Variants in ZNG1B observed in about 807,000 individuals in gnomAD.
ZNG1B encodes zinc-regulated GTPase metalloprotein activator 1B.
chr2:113,471,041 T>C, the ZNG1B span: 62 of 1,574,152 alleles, frequency 3.9e-5, no homozygotes, highest in South Asian at 2.8e-4. Flanking sequence ...AGAGTTGATC[T>C]CTCTAATGTA....
At chr2:113,475,431 G>C in the ZNG1B span, among the ~76,000 whole-genome samples, 1 of 150,366 alleles carries the variant, frequency 6.7e-6, no homozygotes, top group African/African-American at 2.4e-5. Context: ...GATGGGTCTT[G>C]ACTCTTTATC....
chr2:113,437,934 G>A, the ZNG1B span: 7 of 1,612,050 alleles, frequency 4.3e-6, no homozygotes, highest in Non-Finnish European at 5.9e-6. Context: ...GTCCTGAATT[G>A]GTTCCCATGG....
chr2:113,438,097 C>T, the ZNG1B span: 1 of 1,602,398 alleles, frequency 6.2e-7, no homozygotes, highest in Non-Finnish European at 8.5e-7. Context: ...GGTGCCTCTT[C>T]TCCTGAGGCA....
At chr2:113,454,497 T>G in the ZNG1B span, among the ~76,000 whole-genome samples, 2 of 150,550 alleles carry the variant, frequency 1.3e-5, no homozygotes, top group South Asian at 2.1e-4. Context: ...TTTAAAATTT[T>G]TATTTGTTTT....
At chr2:113,489,081 A>C in the ZNG1B span, among the ~76,000 whole-genome samples, 1 of 151,936 alleles carries the variant, frequency 6.6e-6, no homozygotes, top group South Asian at 2.1e-4. Context: ...ATCTAAAGTT[A>C]AGATGAAAGA....
the ZNG1B span, among the ~76,000 whole-genome samples, chr2:113,454,391 T>C: frequency 6.6e-6 from 1 of 152,024 alleles, no homozygotes; most frequent in Non-Finnish European, 1.5e-5. Flanking sequence ...CTGTCTTATG[T>C]ACTTATCACA....
the ZNG1B span, among the ~76,000 whole-genome samples, chr2:113,481,055 T>C: frequency 2.0e-5 from 3 of 151,672 alleles, no homozygotes; most frequent in African/African-American, 4.9e-5. Flanking sequence ...CTGAGACTTA[T>C]GGGAACTAAA....
the ZNG1B span, chr2:113,460,756 A>G: frequency 6.3e-7 from 1 of 1,581,510 alleles, no homozygotes. Context: ...TTGCTGGCTA[A>G]TTGTAAAGAG....
the ZNG1B span, among the ~76,000 whole-genome samples, chr2:113,478,628 A>G: frequency 1.6e-4 from 24 of 146,370 alleles, no homozygotes; most frequent in African/African-American, 5.3e-4. Context: ...TTAAAAACTA[A>G]TTCTACTTTC....
the ZNG1B span, among the ~76,000 whole-genome samples, chr2:113,487,835 A>G: frequency 6.6e-6 from 1 of 151,022 alleles, no homozygotes; most frequent in Non-Finnish European, 1.5e-5. Flanking sequence ...GTACTTTTAA[A>G]AGTCTCACAT....
the ZNG1B span, chr2:113,444,257 G>C: frequency 3.3e-6 from 1 of 299,272 alleles, no homozygotes; most frequent in Non-Finnish European, 6.4e-6. Context: ...TACTAGTTAA[G>C]TTTTCAAGGA....
chr2:113,443,008 G>T, the ZNG1B span, among the ~76,000 whole-genome samples: 1 of 147,376 alleles, frequency 6.8e-6, no homozygotes, highest in African/African-American at 2.5e-5. Flanking sequence ...TCGCTGTGTT[G>T]CCCAGGCTGG....
At chr2:113,475,390 C>T in the ZNG1B span, among the ~76,000 whole-genome samples, 11 of 151,880 alleles carry the variant, frequency 7.2e-5, no homozygotes, top group Middle Eastern at 3.4e-3. Flanking sequence ...TGTCTCTGCA[C>T]GTGAGATGGG....
chr2:113,471,985 TA>T, the ZNG1B span, among the ~76,000 whole-genome samples: 1 of 152,028 alleles, frequency 6.6e-6, no homozygotes, highest in African/African-American at 2.4e-5. Flanking sequence ...TATAGTCCTT[TA>T]GGGTATATAC....
the ZNG1B span, among the ~76,000 whole-genome samples, chr2:113,478,228 C>T: frequency 6.6e-6 from 1 of 152,046 alleles, no homozygotes; most frequent in Non-Finnish European, 1.5e-5. Context: ...TAGTGGGTGG[C>T]TCTACATTTG....
At chr2:113,463,843 G>GT in the ZNG1B span, among the ~76,000 whole-genome samples, 1 of 151,340 alleles carries the variant, frequency 6.6e-6, no homozygotes, top group Non-Finnish European at 1.5e-5. Flanking sequence ...TACATAGTAA[G>GT]TTCAAGGTAT....
At chr2:113,445,998 A>AT in the ZNG1B span, among the ~76,000 whole-genome samples, 1 of 151,972 alleles carries the variant, frequency 6.6e-6, no homozygotes. Context: ...TCAAAGTAGT[A>AT]TTGAATTAGG....
the ZNG1B span, chr2:113,444,288 T>C: frequency 4.0e-6 from 1 of 252,556 alleles, no homozygotes; most frequent in Non-Finnish European, 7.8e-6. Context: ...TAGTCTACCA[T>C]AGACCCTAGA....
At chr2:113,450,125 T>C in the ZNG1B span, among the ~76,000 whole-genome samples, 4 of 151,752 alleles carry the variant, frequency 2.6e-5, no homozygotes, top group African/African-American at 9.7e-5. Flanking sequence ...AATTCAGTAA[T>C]ATAAACAAGG....
Sources: allele counts gnomAD v4.1 joint callset (sites outside exome capture counted in the v4.1 genomes callset), GRCh38; gene constraint gnomAD v4.1.1; transcripts MANE v1.5; gene names NCBI Gene and HGNC (gene_info 2026-07-23, HGNC 2026-07-21).